Variants in LPP observed in about 807,000 individuals in gnomAD.
The protein encoded by LPP is lipoma-preferred partner.
A neutral mutation model predicts 60.4 loss-of-function variants in LPP; 38 were observed. The ratio of observed to expected loss-of-function variants is 0.63; its 90% CI spans 0.49 to 0.83. The LOEUF is 0.83. Ranked by LOEUF, LPP falls within the 40% of genes least tolerant of loss-of-function variation. LPP has a pLI of 0.00. For synonymous variants in LPP, 328 were observed against 290.8 expected, an observed-to-expected ratio of 1.13 and a Z score of -1.30; for missense variants, 902 against 783.6, an observed-to-expected ratio of 1.15 and a Z score of -1.80.
intron 9 of LPP, among the ~76,000 whole-genome samples, chr3:188,859,089 TAAAA>T (rs35722501): frequency 9.3e-4 from 97 of 103,920 alleles, no homozygotes; most frequent in African/African-American, 1.2e-3. Flanking sequence ...ACTCTGTCTT[TAAAA>T]AAAAAAAAAA....
At chr3:188,828,161 T>C (rs567761111) in intron 9 of LPP, among the ~76,000 whole-genome samples, 50 of 151,998 alleles carry the variant, frequency 3.3e-4, no homozygotes, top group Admixed American at 7.9e-4. Context: ...TCCATTCTAG[T>C]GGGGACACAA....
intron 5 of LPP, among the ~76,000 whole-genome samples, chr3:188,492,335 G>A (rs554616455): frequency 9.9e-5 from 15 of 152,272 alleles, no homozygotes; most frequent in African/African-American, 3.1e-4. Context: ...CTTCAAAGGT[G>A]AAATGTACTT....
At chr3:188,306,341 G>A (rs947810017) in intron 2 of LPP, among the ~76,000 whole-genome samples, 2 of 151,646 alleles carry the variant, frequency 1.3e-5, no homozygotes, top group Non-Finnish European at 2.9e-5. Context: ...CACCCACCAT[G>A]CCCTCCCAAA....
chr3:188,756,340 T>G (rs1730238672), intron 8 of LPP, among the ~76,000 whole-genome samples: 1 of 152,212 alleles, frequency 6.6e-6, no homozygotes, highest in Non-Finnish European at 1.5e-5. Flanking sequence ...GATCTTTTGA[T>G]TGACTGACTG....
chr3:188,701,763 T>G (rs915856111), intron 7 of LPP, among the ~76,000 whole-genome samples: 1 of 151,712 alleles, frequency 6.6e-6, no homozygotes, highest in Non-Finnish European at 1.5e-5. Context: ...TTTTTTTTTT[T>G]GAAAGTGTCA....
chr3:188,859,236 A>G (rs570953246), intron 9 of LPP, among the ~76,000 whole-genome samples: 3 of 152,014 alleles, frequency 2.0e-5, no homozygotes, highest in Non-Finnish European at 2.9e-5. Flanking sequence ...TGCGACTCCT[A>G]TAAGAGTATT....
chr3:188,580,406 C>A (rs993959051), intron 6 of LPP, among the ~76,000 whole-genome samples: 9 of 152,214 alleles, frequency 5.9e-5, no homozygotes, highest in Non-Finnish European at 1.3e-4. Context: ...ATTGTCTATA[C>A]GAGTATTAAG....
chr3:188,279,038 G>T (rs1461858112), intron 2 of LPP, among the ~76,000 whole-genome samples: 1 of 152,200 alleles, frequency 6.6e-6, no homozygotes, highest in African/African-American at 2.4e-5. Context: ...CACAGGGAAC[G>T]TTCATCTCAT....
At chr3:188,855,786 T>G (rs1203628605) in intron 9 of LPP, among the ~76,000 whole-genome samples, 1 of 152,208 alleles carries the variant, frequency 6.6e-6, no homozygotes, top group Non-Finnish European at 1.5e-5. Context: ...TCCCTTATTT[T>G]ATAGCTGACG....
At position 188,453,485 on chromosome 3, in the gene LPP, C is replaced by T. The variant is rs143179406; in HGVS notation, c.194-31107C>T. On this transcript the variant is annotated intron_variant, in intron 4 of 11. Transcript: ENST00000617246. ...ATGCCTGGGGGAATAAGTCCCAATC[C>T]GGCCAGGAAATGCTGATCTCCTTCC... Among the ~76,000 whole-genome samples the T allele has an allele frequency of 9.3e-3, 1,422 of 152,096 alleles. 9 individuals carry two copies. Among genetic ancestry groups the T allele is most frequent in the Admixed American group, 0.015 (222 of 15,264 alleles).
rs139762080 is a variant in LPP, at chr3:188,659,810, G to GCACACACACACACA, written c.1114-48440_1114-48427dup. 7.8e-3 allele frequency among the ~76,000 whole-genome samples: 997 copies of GCACACACACACACA among 128,562 alleles called. 13 individuals are homozygous for GCACACACACACACA. Among genetic ancestry groups the GCACACACACACACA allele is most frequent in the African/African-American group, 0.025 (960 of 37,758 alleles). The allele number at this position is 128,562 out of a possible 152,430, so 84.3% of individuals were successfully genotyped here. On this transcript the variant is annotated intron_variant, in intron 7 of 11. Transcript: ENST00000617246. ...TTCTCCTTGTGGGGTTAGATCCTAT[G>GCACACACACACACA]CACACACACACACACACACACACAC...
At chr3:188,256,379 A>G (rs1314350599) in intron 2 of LPP, among the ~76,000 whole-genome samples, 2 of 152,226 alleles carry the variant, frequency 1.3e-5, no homozygotes, top group Non-Finnish European at 2.9e-5. Flanking sequence ...ATTTATAAAA[A>G]TATAAATTGT....
chr3:188,224,079 T>C (rs1175079291), intron 1 of LPP, among the ~76,000 whole-genome samples: 1 of 152,168 alleles, frequency 6.6e-6, no homozygotes, highest in East Asian at 1.9e-4. Context: ...GGTTTGGCTC[T>C]AGGTGTGACT....
chr3:188,760,077 C>T, intron 8 of LPP, 36 bp from the exon 9 acceptor site: 1 of 1,607,906 alleles, frequency 6.2e-7, no homozygotes, highest in South Asian at 1.1e-5. Context: ...CTGAAGTACT[C>T]CTTGGTGTGT....
chr3:188,302,392 T>G (rs1407837247), intron 2 of LPP, among the ~76,000 whole-genome samples: 8 of 152,224 alleles, frequency 5.3e-5, no homozygotes, highest in Non-Finnish European at 1.0e-4. Context: ...ACTTTAAATT[T>G]TATGGTAACT....
Position 188,348,924 on chromosome 3 carries a change from A to T in LPP, c.-10+7205A>T, listed in dbSNP as rs143118611. 3.3e-5 allele frequency among the ~76,000 whole-genome samples: 5 copies of T among 152,286 alleles called. No homozygotes were observed. In the East Asian group the frequency reaches 9.7e-4, roughly 29 times the overall value. Reference sequence around the variant, plus strand: ...TGCTGTGAAGTCACTCCTTGGGAATAATGGAAGACTGGGTTGAAGGGATCC... The same window carrying T: ...TGCTGTGAAGTCACTCCTTGGGAATTATGGAAGACTGGGTTGAAGGGATCC... On this transcript the variant is annotated intron_variant, in intron 3 of 11. Coordinates refer to ENST00000617246, the MANE Select transcript of LPP (RefSeq NM_001375462.1).
chr3:188,717,713 T>A (rs1714616625), intron 8 of LPP, among the ~76,000 whole-genome samples: 1 of 152,222 alleles, frequency 6.6e-6, no homozygotes, highest in Non-Finnish European at 1.5e-5. Context: ...TAATGTTTGT[T>A]CAGAGTAGTA....
intron 9 of LPP, among the ~76,000 whole-genome samples, chr3:188,820,050 C>T (rs1753546162): frequency 6.6e-6 from 1 of 152,122 alleles, no homozygotes; most frequent in South Asian, 2.1e-4. Context: ...ATGGATAATC[C>T]ACAAGACTCT....
At chr3:188,385,949 ATTC>A (rs1162524070) in intron 3 of LPP, among the ~76,000 whole-genome samples, 1 of 152,138 alleles carries the variant, frequency 6.6e-6, no homozygotes, top group African/African-American at 2.4e-5. Context: ...TACTGAGATG[ATTC>A]TTCTTTTGTA....
Sources: gnomAD v4.1 joint callset for allele counts (sites outside exome capture counted in the v4.1 genomes callset) on GRCh38, gnomAD v4.1.1 for gene constraint, MANE v1.5 for transcripts, NCBI Gene and HGNC (gene_info 2026-07-23, HGNC 2026-07-21) for gene names.